The following EXOC4 variants were observed in gnomAD, a reference collection of about 807,000 sequenced individuals.
The protein encoded by EXOC4 is SEC8-like 1.
Under a neutral mutation model 107.2 loss-of-function variants are expected in EXOC4, and 71 were observed. The ratio of observed to expected loss-of-function variants is 0.66; its 90% confidence interval spans 0.55 to 0.81. The LOEUF (loss-of-function observed/expected upper bound fraction) is 0.81, where lower values mean the gene tolerates loss of function less well. Among genes scored for constraint, EXOC4 ranks in the 30% least tolerant of loss-of-function variants. EXOC4 has a pLI of 0.00. For missense variants in EXOC4, 1,108 were observed against 1,189.6 expected, an observed-to-expected ratio of 0.93 and a Z score of 1.01; for synonymous variants, 456 against 441.2, an observed-to-expected ratio of 1.03 and a Z score of -0.42.
At position 133,466,813 on chromosome 7, in the gene EXOC4, A is replaced by G. The variant is rs200140990; in HGVS notation, c.1183-8515A>G. Among the ~76,000 whole-genome samples, 21 of 152,326 alleles carry G rather than the reference A, an allele frequency of 1.4e-4. No homozygotes were observed. In the East Asian group the frequency reaches 3.7e-3, roughly 27 times the overall value. On this transcript the variant is annotated intron_variant, in intron 7 of 17. Transcript: ENST00000253861. ...ATCGACATATAAACTGTATTATACC[A>G]TGATTCATTGGGATTTATTTTAAAA...
intron 7 of EXOC4, among the ~76,000 whole-genome samples, chr7:133,410,024 G>T (rs1310422403): frequency 6.6e-6 from 1 of 152,116 alleles, no homozygotes; most frequent in Non-Finnish European, 1.5e-5. Flanking sequence ...ATACAGATTT[G>T]CTGGGAGTCT....
intron 14 of EXOC4, among the ~76,000 whole-genome samples, chr7:133,958,598 C>G (rs909386507): frequency 6.6e-6 from 1 of 152,162 alleles, no homozygotes; most frequent in African/African-American, 2.4e-5. Flanking sequence ...ACAAAAAACA[C>G]TGTTATATTC....
At chr7:133,647,331 T>G (rs1323190497) in intron 10 of EXOC4, among the ~76,000 whole-genome samples, 1 of 152,166 alleles carries the variant, frequency 6.6e-6, no homozygotes, top group Non-Finnish European at 1.5e-5. Context: ...AAGGTCACAA[T>G]CAACTCAAAT....
intron 10 of EXOC4, among the ~76,000 whole-genome samples, chr7:133,660,563 G>T (rs1803416327): frequency 6.6e-6 from 1 of 152,118 alleles, no homozygotes; most frequent in East Asian, 1.9e-4. Flanking sequence ...CCATGGAAAA[G>T]AATTTATTCC....
chr7:133,721,316 TA>T (rs1189808266), intron 10 of EXOC4, among the ~76,000 whole-genome samples: 1 of 152,224 alleles, frequency 6.6e-6, no homozygotes, highest in Non-Finnish European at 1.5e-5. Flanking sequence ...TTTTGAGTGT[TA>T]CCTGTTTGAG....
chr7:133,812,032 GT>G (rs1281217581), intron 10 of EXOC4, among the ~76,000 whole-genome samples: 1 of 152,022 alleles, frequency 6.6e-6, no homozygotes, highest in Non-Finnish European at 1.5e-5. Context: ...GCCACGTGGG[GT>G]TTTTTGCTCA....
At chr7:133,285,686 C>G (rs1794258848) in intron 2 of EXOC4, among the ~76,000 whole-genome samples, 1 of 151,210 alleles carries the variant, frequency 6.6e-6, no homozygotes, top group South Asian at 2.1e-4. Context: ...TTCTTGAGCA[C>G]TTGGTGTGCC....
intron 7 of EXOC4, among the ~76,000 whole-genome samples, chr7:133,421,140 G>A (rs1797594812): frequency 6.6e-6 from 1 of 152,050 alleles, no homozygotes; most frequent in Non-Finnish European, 1.5e-5. Context: ...TTACAGGGCT[G>A]TTGTGTGTGA....
chr7:133,375,023 G>T (rs2150689882), intron 7 of EXOC4, 21 bp downstream of exon 7: 2 of 1,599,888 alleles, frequency 1.3e-6, no homozygotes, highest in African/African-American at 1.3e-5. Context: ...TTTACAAAGG[G>T]TGTCATCTTG....
intron 10 of EXOC4, among the ~76,000 whole-genome samples, chr7:133,780,878 G>A (rs117538952): frequency 2.9e-4 from 44 of 152,308 alleles, no homozygotes; most frequent in Middle Eastern, 3.4e-3. Flanking sequence ...TTCAAATGAA[G>A]AACTGTGAAT....
chr7:134,024,938 C>T (rs1307782041), intron 17 of EXOC4, among the ~76,000 whole-genome samples: 1 of 152,170 alleles, frequency 6.6e-6, no homozygotes, highest in East Asian at 1.9e-4. Context: ...CTGTGTTTAG[C>T]AGCAGCTGTG....
chr7:133,894,687 C>T (rs575899341), intron 11 of EXOC4, among the ~76,000 whole-genome samples: 1,095 of 82,084 alleles, frequency 0.013, 208 homozygotes, highest in Non-Finnish European at 0.017. Context: ...AATACCCTGC[C>T]GTGTGAGGTG....
At chr7:133,444,353 ATATACT>A (rs1377638873) in intron 7 of EXOC4, among the ~76,000 whole-genome samples, 4 of 152,184 alleles carry the variant, frequency 2.6e-5, no homozygotes, top group South Asian at 2.1e-4. Context: ...CAATTTGGAC[ATATACT>A]TAGCTAGGTG....
At chr7:134,062,890 C>G (rs926661460) in intron 17 of EXOC4, among the ~76,000 whole-genome samples, 1 of 152,256 alleles carries the variant, frequency 6.6e-6, no homozygotes, top group African/African-American at 2.4e-5. Flanking sequence ...ATTACAGGCA[C>G]AAGTCTTCCT....
intron 5 of EXOC4, among the ~76,000 whole-genome samples, chr7:133,331,379 G>A (rs1367408840): frequency 6.6e-6 from 1 of 151,542 alleles, no homozygotes; most frequent in East Asian, 1.9e-4. Flanking sequence ...TGAACAGTTT[G>A]CATAAGGGGA....
At chr7:133,790,377 G>T (rs2151183835) in intron 10 of EXOC4, among the ~76,000 whole-genome samples, 1 of 152,328 alleles carries the variant, frequency 6.6e-6, no homozygotes, top group East Asian at 1.9e-4. Context: ...GCACTTACAT[G>T]TTGCTAAGCA....
intron 10 of EXOC4, among the ~76,000 whole-genome samples, chr7:133,711,452 G>A (rs1052054350): frequency 1.3e-5 from 2 of 152,174 alleles, no homozygotes; most frequent in African/African-American, 2.4e-5. Context: ...ACTTTTGAGT[G>A]TCTCATAAAA....
chr7:133,630,252 T>G (rs1284919490), intron 10 of EXOC4, 111 bp downstream of exon 10: 1 of 787,170 alleles, frequency 1.3e-6, no homozygotes, highest in South Asian at 1.8e-5. Context: ...TAAAAGAAAT[T>G]TATTCCATTT....
intron 9 of EXOC4, among the ~76,000 whole-genome samples, chr7:133,541,125 C>G (rs1456055380): frequency 6.6e-6 from 1 of 152,082 alleles, no homozygotes; most frequent in African/African-American, 2.4e-5. Context: ...TTTAATTAAG[C>G]TAATTATAGT....
Sources: allele counts gnomAD v4.1 joint callset (sites outside exome capture counted in the v4.1 genomes callset), GRCh38; gene constraint gnomAD v4.1.1; transcripts MANE v1.5; gene names NCBI Gene and HGNC (gene_info 2026-07-23, HGNC 2026-07-21).